Variants in ZNF3 observed in about 807,000 individuals in gnomAD.
ZNF3 encodes the protein C2-H2 type zinc finger protein.
A neutral mutation model predicts 36.9 loss-of-function variants in ZNF3; 16 were observed. The ratio of observed to expected loss-of-function variants is 0.43; its 90% CI spans 0.29 to 0.66. ZNF3 has a LOEUF of 0.66. ZNF3 is among the 30% of genes least tolerant of loss of function. The pLI is 0.13. For missense variants in ZNF3, 462 were observed against 543.1 expected, an observed-to-expected ratio of 0.85 and a Z score of 1.48; for synonymous variants, 201 against 201.9, an observed-to-expected ratio of 1.00 and a Z score of 0.04.
rs1793186998 is a variant in ZNF3, at chr7:100,071,744, T to C, written c.740A>G (p.Gln247Arg). The C allele has an allele frequency of 1.2e-6, 2 of 1,614,048 alleles. No individual in the cohort carries two copies. Among genetic ancestry groups the C allele is most frequent in the Non-Finnish European group, 1.7e-6 (2 of 1,180,040 alleles). ...AGGTTTTTCCCCAGTGTGGATTCTCTGATGCTGAATAAGGTGTGAGCTCTG... is the reference window on the plus strand; with the variant it reads ...AGGTTTTTCCCCAGTGTGGATTCTCCGATGCTGAATAAGGTGTGAGCTCTG... ...FSQSSHLIQH[Q>R]RIHTGEKPYE... Residue 247 changes from glutamine to arginine, a missense_variant, in exon 6 of 6, where the codon CAG becomes CGG. Physicochemically the swap from Gln to Arg is conservative, Grantham distance 43 (BLOSUM62 1). Coordinates refer to ENST00000299667, the MANE Select transcript of ZNF3 (RefSeq NM_032924.5).
At chr7:100,075,434 C>T (rs1396045169) in intron 4 of ZNF3, 108 bp downstream of exon 4, 1 of 1,499,518 alleles carries the variant, frequency 6.7e-7, no homozygotes, top group Non-Finnish European at 9.2e-7. Flanking sequence ...CATGATTCAG[C>T]AGGACAGAAC....
At chr7:100,076,215 T>C (rs528757780) in intron 3 of ZNF3, among the ~76,000 whole-genome samples, 3 of 152,054 alleles carry the variant, frequency 2.0e-5, no homozygotes, top group Admixed American at 6.6e-5. Context: ...AGCTCCTTTC[T>C]CTCCACCCCA....
chr7:100,075,356 T>C (rs1441263883), intron 4 of ZNF3, 95 bp from the exon 5 acceptor site: 3 of 1,605,288 alleles, frequency 1.9e-6, no homozygotes, highest in Admixed American at 1.7e-5. Flanking sequence ...AATGCACATT[T>C]GGGAAGGGAG....
At chr7:100,076,663 G>A (rs72615159) in intron 3 of ZNF3, among the ~76,000 whole-genome samples, 34,894 of 151,958 alleles carry the variant, frequency 0.23, 4,823 homozygotes, top group East Asian at 0.42. Context: ...ATTCCGAAGC[G>A]CCTCCTCTAA....
rs767375996 is a variant in ZNF3 at position 100,064,429 on chromosome 7, G to T, written c.*359C>A. The T allele has an allele frequency of 1.2e-6, 2 of 1,613,972 alleles. No individual in the cohort carries two copies. The highest frequency in any genetic ancestry group is 1.7e-6 in the Non-Finnish European group (2 of 1,180,008). Reference sequence around the variant, plus strand: ...CAGCTCCCACCAGAGACTCCACACCGGAGAGAAGCCATATAAGTGTAAGGA... The same window carrying T: ...CAGCTCCCACCAGAGACTCCACACCTGAGAGAAGCCATATAAGTGTAAGGA... On this transcript the variant is annotated 3_prime_UTR_variant, in exon 6 of 6. Transcript: ENST00000413658.
chr7:100,077,061 A>G (rs925636727), intron 3 of ZNF3: 29 of 436,178 alleles, frequency 6.6e-5, no homozygotes, highest in Middle Eastern at 7.0e-4. Context: ...ACAGAGCAAG[A>G]CTCCATCTCA....
chr7:100,080,084 G>A (rs1794748945), intron 1 of ZNF3, among the ~76,000 whole-genome samples: 1 of 152,094 alleles, frequency 6.6e-6, no homozygotes, highest in South Asian at 2.1e-4. Context: ...TACCAATTAA[G>A]ACCACCACCA....
At chr7:100,065,835 C>T (rs754295928), downstream of ZNF3, among the ~76,000 whole-genome samples, 3 of 149,522 alleles carry the variant, frequency 2.0e-5, no homozygotes, top group Admixed American at 1.4e-4. Context: ...CCACTGGGCC[C>T]ACTGAGATGG....
chr7:100,079,903 G>A (rs1251328452), intron 1 of ZNF3, among the ~76,000 whole-genome samples: 3 of 151,992 alleles, frequency 2.0e-5, no homozygotes, highest in African/African-American at 2.4e-5. Flanking sequence ...CAGCCTCACT[G>A]TGTTGCTCAG....
rs558089448 is a variant in ZNF3 at position 100,071,000 on chromosome 7, T to C, written c.*143A>G. 4.1e-6 allele frequency: 6 copies of C among 1,459,590 alleles called. No homozygotes were observed. In the East Asian group the frequency reaches 1.4e-4, roughly 34 times the overall value. 90.4% of individuals were successfully genotyped at this position (1,459,590 alleles called of 1,614,324 possible). ...AGGCTGGTGTGATTTCTGGGAAAAT[T>C]CAACGATTTGCCCCATCTGCCCCAT... is the stretch of plus-strand genomic sequence containing the variant. On this transcript the variant is annotated 3_prime_UTR_variant, in exon 6 of 6. Coordinates refer to ENST00000299667, the MANE Select transcript of ZNF3 (RefSeq NM_032924.5).
At chr7:100,069,381 T>C (rs1792809646), downstream of ZNF3, among the ~76,000 whole-genome samples, 1 of 151,938 alleles carries the variant, frequency 6.6e-6, no homozygotes, top group Non-Finnish European at 1.5e-5. Flanking sequence ...TGAAACCCCA[T>C]CTCTACTAAA....
chr7:100,080,749 T>G (rs930533745), intron 1 of ZNF3, among the ~76,000 whole-genome samples: 5 of 152,002 alleles, frequency 3.3e-5, no homozygotes, highest in African/African-American at 7.3e-5. Flanking sequence ...GAGGCGGAGG[T>G]TGCAGTGAGC....
At chr7:100,063,963 G>A (rs1230146929), downstream of ZNF3, 2 of 1,614,132 alleles carry the variant, frequency 1.2e-6, no homozygotes, top group Non-Finnish European at 1.7e-6. Context: ...CTCTTCAAGA[G>A]GCAGGCTCCA....
In ZNF3 at chr7:100,070,155, TTTG is replaced by T. The variant is rs1336734122; in HGVS notation, c.*985_*987del. On this transcript the variant is annotated 3_prime_UTR_variant, in exon 6 of 6. Transcript: ENST00000299667. Reference sequence around the variant, plus strand: ...GCCTGCCTTCTCTGGGCTTCGTTTTTTTGTTTTTTTGTTTTTTTTTTCTCCCTT... The same window carrying T: ...GCCTGCCTTCTCTGGGCTTCGTTTTTTTTTTTTGTTTTTTTTTTCTCCCTT... 2.1e-6 allele frequency: 2 copies of T among 966,904 alleles called. No individual in the cohort carries two copies. Among genetic ancestry groups the T allele is most frequent in the Non-Finnish European group, 2.4e-6 (2 of 823,336 alleles). The allele number at this position is 966,904 out of a possible 1,614,324, so 59.9% of individuals were successfully genotyped here.
In ZNF3 at chr7:100,072,125, A is replaced by G; in HGVS notation, c.359T>C (p.Ile120Thr). ...GVLLGRFQKD[I>T]SQGLKFKEAY... ...TTCTTTAAACTTGAGACCCTGAGAA[A>G]TATCCTTTTGAAATCTTCCCAGTAG... Residue 120 changes from isoleucine to threonine, a missense_variant, in exon 6 of 6, where the codon ATT (isoleucine) becomes ACT (threonine). Ile to Thr is a moderately conservative substitution (Grantham distance 89, BLOSUM62 -1). Transcript: ENST00000299667. 1 of 1,613,906 alleles carries G rather than the reference A, an allele frequency of 6.2e-7. No individual in the cohort carries two copies. The highest frequency in any genetic ancestry group is 8.5e-7 in the Non-Finnish European group (1 of 1,179,966).
At position 100,070,679 on chromosome 7, in the gene ZNF3, T is replaced by C. The variant is rs1792983875; in HGVS notation, c.*464A>G. 3 of 992,358 alleles carry C rather than the reference T, an allele frequency of 3.0e-6. No individual in the cohort carries two copies. The highest frequency in any genetic ancestry group is 3.6e-6 in the Non-Finnish European group (3 of 833,842). 61.5% of individuals were successfully genotyped at this position (992,358 alleles called of 1,614,324 possible). A position where few individuals can be genotyped will look rare whatever the true frequency, so the allele number is the denominator to read the frequency against. On this transcript the variant is annotated 3_prime_UTR_variant, in exon 6 of 6. Transcript: ENST00000299667. ...TCATGAAACAAAACAGCATGTTTCT[T>C]ACCGAAACTTAAAGCTGGACTAGGA... is the stretch of plus-strand genomic sequence containing the variant.
At chr7:100,079,156 A>G (rs974311944) in intron 2 of ZNF3, 1 of 152,252 alleles carries the variant, frequency 6.6e-6, no homozygotes, top group South Asian at 2.1e-4. Context: ...TCTCAGAGCC[A>G]ACCATCATAT....
chr7:100,077,070 C>CAAAAAAAACA (rs1794243282), intron 3 of ZNF3: 3 of 464,298 alleles, frequency 6.5e-6, no homozygotes, highest in Non-Finnish European at 1.2e-5. Context: ...GACTCCATCT[C>CAAAAAAAACA]AAAAAAAACA....
intron 2 of ZNF3, chr7:100,077,763 CTT>C (rs935108362): frequency 1.8e-4 from 28 of 158,596 alleles, no homozygotes; most frequent in South Asian, 3.5e-4. Context: ...GAATTTCACT[CTT>C]GTCACCCAGG....
Sources: gnomAD v4.1 joint callset for allele counts (sites outside exome capture counted in the v4.1 genomes callset) on GRCh38, gnomAD v4.1.1 for gene constraint, MANE v1.5 for transcripts, NCBI Gene and HGNC (gene_info 2026-07-23, HGNC 2026-07-21) for gene names.